Variants in AHNAK observed in about 807,000 individuals in gnomAD.
AHNAK encodes neuroblast differentiation-associated protein AHNAK.
In AHNAK, 23 loss-of-function variants were observed where a neutral mutation model predicts 37.8. The observed-to-expected ratio is 0.61, with a 90% CI of 0.44 to 0.86. AHNAK has a LOEUF of 0.86. Ranked by LOEUF, AHNAK falls within the 40% of genes least tolerant of loss-of-function variation. The pLI, the probability that AHNAK is intolerant of heterozygous loss-of-function variation, is 0.00. For synonymous variants in AHNAK, 2,481 were observed against 2,636.3 expected, an observed-to-expected ratio of 0.94 and a Z score of 1.80; for missense variants, 7,411 against 7,319.4, an observed-to-expected ratio of 1.01 and a Z score of -0.46.
Position 62,533,650 on chromosome 11 carries a change from G to A in AHNAK, c.767C>T (p.Ser256Leu). The A allele has an allele frequency of 6.2e-7, 1 of 1,614,080 alleles. No individual in the cohort carries two copies. The highest frequency in any genetic ancestry group is 8.5e-7 in the Non-Finnish European group (1 of 1,180,022). The stretch of plus-strand genomic sequence containing the variant: ...GCCCTTTGCATTGACATTGACACCT[G>A]AGCCTCCCACCTTTATCCCAGGCAT... ...VTMPGIKVGG[S>L]GVNVNAKGLD... The change falls in exon 5 of 5, where the codon TCA (serine) becomes TTA (leucine). Residue 256 changes from serine (S) to leucine (L), a missense_variant. Coordinates refer to ENST00000378024, the MANE Select transcript of AHNAK (RefSeq NM_001620.3).
At position 62,526,837 on chromosome 11, in the gene AHNAK, C is replaced by T. The variant is rs141117375; in HGVS notation, c.7580G>A (p.Gly2527Asp). The T allele has an allele frequency of 0.033, 52,772 of 1,613,708 alleles. 991 individuals carry two copies. Among genetic ancestry groups the T allele is most frequent in the Middle Eastern group, 0.054 (328 of 6,058 alleles). ...KFSMPGFKAE[G>D]PEVDVNLPKA... ...AGGCAAGTTGACGTCTACTTCAGGG[C>T]CCTCTGCTTTGAAGCCAGGCATGCT... is the stretch of plus-strand genomic sequence containing the variant. Residue 2527 changes from glycine (G) to aspartate (D), a missense_variant, in exon 5 of 5, where the codon GGC (glycine) becomes GAC (aspartate). Physicochemically the swap from Gly to Asp is moderately conservative, Grantham distance 94. Transcript: ENST00000378024.
chr11:62,453,888 G>C (rs1938593124), intron 5 of AHNAK, among the ~76,000 whole-genome samples: 1 of 152,106 alleles, frequency 6.6e-6, no homozygotes, highest in African/African-American at 2.4e-5. Flanking sequence ...TTGGGAGGTC[G>C]AGGCAGGCGG....
In AHNAK at chr11:62,515,947, T is replaced by C; in HGVS notation, c.*797A>G. 8.5e-7 allele frequency: 1 copy of C among 1,173,504 alleles called. No homozygotes were observed. Among genetic ancestry groups the C allele is most frequent in the Non-Finnish European group, 1.1e-6 (1 of 933,214 alleles). The allele number at this position is 1,173,504 out of a possible 1,614,324, so 72.7% of individuals were successfully genotyped here. On this transcript the variant is annotated 3_prime_UTR_variant, in exon 5 of 5. Coordinates refer to ENST00000378024, the MANE Select transcript of AHNAK (RefSeq NM_001620.3). Reference sequence around the variant, plus strand: ...TATTTGCCTTGTACAGCATCAATTTTCTTACATTCTCAGTTAATTGGCCAT... The same window carrying C: ...TATTTGCCTTGTACAGCATCAATTTCCTTACATTCTCAGTTAATTGGCCAT...
intron 5 of AHNAK, among the ~76,000 whole-genome samples, chr11:62,480,036 T>C (rs1371682508): frequency 6.6e-6 from 1 of 152,066 alleles, no homozygotes; most frequent in Admixed American, 6.6e-5. Context: ...CCCTCACCCC[T>C]GATTTCAAGC....
intron 5 of AHNAK, among the ~76,000 whole-genome samples, chr11:62,469,631 A>C (rs1404993609): frequency 6.7e-6 from 1 of 148,480 alleles, no homozygotes. Context: ...CACCCAGATA[A>C]ATTTTTTTGT....
rs1159685309 is a variant in AHNAK at position 62,517,857 on chromosome 11, C to T, written c.16560G>A (p.Gly5520=). 1.9e-6 allele frequency: 3 copies of T among 1,614,038 alleles called. No individual in the cohort carries two copies. In the African/African-American group the frequency reaches 4.0e-5, roughly 22 times the overall value. The part of the protein sequence containing the change: ...NVKLPTGQIS[G]PEIKGGLKGS... ...CTTTCAGACCACCTTTGATTTCAGG[C>T]CCAGAAATCTGCCCAGTTGGGAGTT... Residue 5520 remains glycine, a synonymous_variant, in exon 5 of 5, where the codon GGG becomes GGA. Coordinates refer to ENST00000378024, the MANE Select transcript of AHNAK (RefSeq NM_001620.3).
At chr11:62,434,825 G>A (rs1488775562) in intron 5 of AHNAK, among the ~76,000 whole-genome samples, 1 of 150,882 alleles carries the variant, frequency 6.6e-6, no homozygotes, top group Admixed American at 6.6e-5. Context: ...CAGCTACTCA[G>A]GAAACTAAGG....
chr11:62,540,730 G>A (rs985644583), intron 1 of AHNAK, among the ~76,000 whole-genome samples: 1 of 152,212 alleles, frequency 6.6e-6, no homozygotes, highest in Middle Eastern at 3.2e-3. Context: ...AGACTGCTTG[G>A]AGGGCAGAAA....
chr11:62,506,851 G>A (rs1458764356), intron 4 of AHNAK, among the ~76,000 whole-genome samples: 1 of 152,206 alleles, frequency 6.6e-6, no homozygotes, highest in East Asian at 1.9e-4. Context: ...CCAGGAGGCT[G>A]AGCCTGAACC....
intron 5 of AHNAK, among the ~76,000 whole-genome samples, chr11:62,447,802 A>G (rs1335852314): frequency 7.1e-6 from 1 of 141,818 alleles, no homozygotes; most frequent in Non-Finnish European, 1.6e-5. Flanking sequence ...CTGTTTGTCA[A>G]CTCAGTGAAT....
At chr11:62,498,829 T>C (rs677800) in intron 4 of AHNAK, among the ~76,000 whole-genome samples, 2 of 152,050 alleles carry the variant, frequency 1.3e-5, no homozygotes, top group Non-Finnish European at 2.9e-5. Flanking sequence ...TTGGAAATGT[T>C]GGCTCTAAAA....
chr11:62,526,444 C>T lies in AHNAK; in HGVS notation c.7973G>A (p.Gly2658Glu), dbSNP rs145624418. ...GTCAGCCTTGGGCAGCTTCACATCC[C>T]CATCTGGGCCCTCTCCTTTGAAGCC... ...MPGFKGEGPD[G>E]DVKLPKADID... Residue 2658 changes from glycine to glutamate, a missense_variant, in exon 5 of 5, where the codon GGG becomes GAG. By Grantham distance (98) the Gly-to-Glu change is moderately conservative. Transcript: ENST00000378024. 1.0e-5 allele frequency: 16 copies of T among 1,603,830 alleles called. No individual in the cohort carries two copies. In the South Asian group the frequency reaches 1.8e-4, roughly 18 times the overall value.
At chr11:62,491,349 A>G (rs1939502075) in intron 5 of AHNAK, among the ~76,000 whole-genome samples, 1 of 152,124 alleles carries the variant, frequency 6.6e-6, no homozygotes, top group East Asian at 1.9e-4. Context: ...TAGATCTTCC[A>G]CTAGGAGTAG....
rs778191239 is a variant in AHNAK, at chr11:62,519,696, T to C, written c.14721A>G (p.Pro4907=). 1 of 1,614,088 alleles carries C rather than the reference T, an allele frequency of 6.2e-7. No individual in the cohort carries two copies. The highest frequency in any genetic ancestry group is 1.1e-5 in the South Asian group (1 of 91,056). ...CTTTAGGAGCAGATATCTCCAGCGA[T>C]GGCATCTTCAAAGATGGGCCACTGA... ...AKLSGPSLKM[P]SLEISAPKVT... is the part of the protein sequence containing the mutation. Residue 4907 remains proline (P), a synonymous_variant, in exon 5 of 5, where the codon CCA becomes CCG. Transcript: ENST00000378024.
In AHNAK at chr11:62,520,870, C is replaced by G. The variant is rs143974724; in HGVS notation, c.13547G>C (p.Ser4516Thr). ...KFKMPDVHFK[S>T]PQISMSDIDL... Reference sequence around the variant, plus strand: ...AATGTCACTCATGGAGATTTGTGGGCTTTTGAAATGTACATCAGGCATCTT... The same window carrying G: ...AATGTCACTCATGGAGATTTGTGGGGTTTTGAAATGTACATCAGGCATCTT... The change falls in exon 5 of 5, where the codon AGC becomes ACC. Residue 4516 changes from serine to threonine, a missense_variant. By Grantham distance (58) the Ser-to-Thr change is moderately conservative. Transcript: ENST00000378024. 1 of 1,614,112 alleles carries G rather than the reference C, an allele frequency of 6.2e-7. No homozygotes were observed. The highest frequency in any genetic ancestry group is 8.5e-7 in the Non-Finnish European group (1 of 1,180,022).
Position 62,524,759 on chromosome 11 carries a change from A to G in AHNAK, c.9658T>C (p.Ser3220Pro), listed in dbSNP as rs1254031219. The change falls in exon 5 of 5, where the codon TCA becomes CCA. Residue 3220 changes from serine (S) to proline (P), a missense_variant. Physicochemically the swap from Ser to Pro is moderately conservative, Grantham distance 74. Transcript: ENST00000378024. Reference protein sequence around the residue: ...PEMNIKAPKISMPDLDLNLKG... With the variant: ...PEMNIKAPKIPMPDLDLNLKG... ...AGATTGAGGTCCAAATCAGGCATTG[A>G]TATTTTAGGAGCTTTGATGTTCATC... 2 of 1,614,040 alleles carry G rather than the reference A, an allele frequency of 1.2e-6. No homozygotes were observed. The highest frequency in any genetic ancestry group is 2.7e-5 in the African/African-American group (2 of 74,926).
chr11:62,534,023 G>C lies in AHNAK; in HGVS notation c.394C>G (p.Arg132Gly), dbSNP rs763292506. 6.3e-7 allele frequency: 1 copy of C among 1,582,260 alleles called. No homozygotes were observed. The highest frequency in any genetic ancestry group is 1.2e-5 in the South Asian group (1 of 84,866). The change falls in exon 5 of 5, where the codon CGG (arginine) becomes GGG (glycine). Residue 132 changes from arginine (R) to glycine (G), a missense_variant. Physicochemically the swap from Arg to Gly is moderately radical, Grantham distance 125 (BLOSUM62 -2). Coordinates refer to ENST00000378024, the MANE Select transcript of AHNAK (RefSeq NM_001620.3). ...QRIYTTKIKP[R>G]LKSEDGVEGD... The stretch of plus-strand genomic sequence containing the variant: ...TCCACTCCATCTTCCGACTTCAGCC[G>C]TGGCTTGATCTTCGTGGTGTAGATG...
rs1467447889 is a variant in AHNAK at position 62,532,512 on chromosome 11, C to T, written c.1905G>A (p.Thr635=). Residue 635 remains threonine (T), a synonymous_variant, in exon 5 of 5, where the codon ACG becomes ACA. Transcript: ENST00000378024. ...NLKMPKMKMP[T]FSTPGAKGEG... Reference sequence around the variant, plus strand: ...CCCCTTTGGCTCCTGGAGTGCTGAACGTGGGCATTTTCATCTTGGGCATTT... The same window carrying T: ...CCCCTTTGGCTCCTGGAGTGCTGAATGTGGGCATTTTCATCTTGGGCATTT... 3.7e-6 allele frequency: 6 copies of T among 1,613,064 alleles called. No homozygotes were observed. In the African/African-American group the frequency reaches 5.4e-5, roughly 14 times the overall value.
intron 4 of AHNAK, among the ~76,000 whole-genome samples, chr11:62,509,675 GGGA>G (rs929886104): frequency 1.4e-4 from 22 of 152,264 alleles, no homozygotes; most frequent in African/African-American, 5.1e-4. Flanking sequence ...CCAGCACTTT[GGGA>G]GGCTGAGGCA....
Sources: gnomAD v4.1 joint callset for allele counts (sites outside exome capture counted in the v4.1 genomes callset) on GRCh38, gnomAD v4.1.1 for gene constraint, MANE v1.5 for transcripts, NCBI Gene and HGNC (gene_info 2026-07-23, HGNC 2026-07-21) for gene names.